CLTRN: variants seen among roughly 807,000 people sequenced by gnomAD.
The protein encoded by CLTRN is collectrin.
Under a neutral mutation model 14.5 loss-of-function variants are expected in CLTRN, and 12 were observed. That is an observed-to-expected ratio of 0.83 (90% CI 0.53 to 1.34). The LOEUF is 1.34. Among genes scored for constraint, CLTRN ranks in the 40% most tolerant of loss-of-function variants. CLTRN has a pLI of 0.00. For synonymous variants in CLTRN, 58 were observed against 56.5 expected, an observed-to-expected ratio of 1.03 and a Z score of -0.12; for missense variants, 154 against 165.1, an observed-to-expected ratio of 0.93 and a Z score of 0.37.
intron 5 of CLTRN, among the ~76,000 whole-genome samples, chrX:15,631,039 G>A (rs1452176579): frequency 3.6e-5 from 4 of 112,073 alleles, no homozygotes; most frequent in Non-Finnish European, 7.5e-5. Flanking sequence ...GTATGGAAGA[G>A]ATACAGTCCT....
At chrX:15,654,657 G>A (rs1436385769) in intron 3 of CLTRN, among the ~76,000 whole-genome samples, 3 of 112,259 alleles carry the variant, frequency 2.7e-5, no homozygotes, top group African/African-American at 9.7e-5. Flanking sequence ...AGCAAAAAAA[G>A]CATTTAATAT....
chrX:15,673,107 G>C (rs898461917), intron 1 of CLTRN, among the ~76,000 whole-genome samples: 12 of 112,348 alleles, frequency 1.1e-4, no homozygotes, highest in Non-Finnish European at 2.3e-4. Context: ...AGCTCACAGC[G>C]TCATCATGAT....
At chrX:15,658,297 T>G (rs1929421459) in intron 3 of CLTRN, among the ~76,000 whole-genome samples, 1 of 112,549 alleles carries the variant, frequency 8.9e-6, no homozygotes, top group South Asian at 3.6e-4. Flanking sequence ...TTAGGGTGTA[T>G]GCACCTGTGC....
At chrX:15,669,638 T>C (rs1024427193), upstream of CLTRN, among the ~76,000 whole-genome samples, 6 of 109,919 alleles carry the variant, frequency 5.5e-5, 1 homozygote, top group Admixed American at 4.8e-4. Context: ...AGAAAACACA[T>C]GTGTCGTTCT....
upstream of CLTRN, among the ~76,000 whole-genome samples, chrX:15,669,320 C>A: frequency 8.9e-6 from 1 of 112,341 alleles, no homozygotes; most frequent in Middle Eastern, 4.6e-3. Context: ...CTCATTTCAG[C>A]AATTTCACAT....
intron 3 of CLTRN, among the ~76,000 whole-genome samples, 164 bp from the exon 4 acceptor site, chrX:15,645,193 G>C (rs1345612563): frequency 8.9e-6 from 1 of 111,796 alleles, no homozygotes; most frequent in Non-Finnish European, 1.9e-5. Context: ...AAATTATATA[G>C]GAAATTCCCA....
upstream of CLTRN, among the ~76,000 whole-genome samples, chrX:15,665,347 A>G (rs778341135): frequency 5.5e-3 from 609 of 111,699 alleles, 4 homozygotes; most frequent in Non-Finnish European, 8.7e-3. Flanking sequence ...GTGGGAGGAG[A>G]GAGAGGATCG....
intron 3 of CLTRN, chrX:15,646,846 G>A (rs922256821): frequency 9.6e-6 from 3 of 312,142 alleles, no homozygotes; most frequent in African/African-American, 5.4e-5. Flanking sequence ...CGCCCCGCCC[G>A]AGCGCAGAGG....
chrX:15,646,163 C>T (rs1929060636), intron 3 of CLTRN: 1 of 170,244 alleles, frequency 5.9e-6, no homozygotes, highest in Admixed American at 7.1e-5. Flanking sequence ...CATGGGGCGC[C>T]ACTTGCCCCT....
intron 1 of CLTRN, among the ~76,000 whole-genome samples, chrX:15,674,318 A>T (rs1444689527): frequency 8.9e-6 from 1 of 111,773 alleles, no homozygotes; most frequent in Non-Finnish European, 1.9e-5. Context: ...TGGTGTCTAG[A>T]CAGGACCTAG....
chrX:15,672,275 G>A (rs1433695271), intron 1 of CLTRN, among the ~76,000 whole-genome samples: 2 of 112,141 alleles, frequency 1.8e-5, no homozygotes, highest in African/African-American at 6.5e-5. Context: ...GTCTCATGTA[G>A]TTAAAGCAAG....
chrX:15,628,135 C>A lies in CLTRN; in HGVS notation c.513-8G>T. On this transcript the variant is annotated splice_polypyrimidine_tract_variant and splice_region_variant and intron_variant, in intron 5 of 5. Coordinates refer to ENST00000380342, the MANE Select transcript of CLTRN (RefSeq NM_020665.6). ...GATGGTTCTTTGTTCTTTCTAAAAG[C>A]ACATAAAAAAGAGTGATTGGCATCT... 9.4e-7 allele frequency: 1 copy of A among 1,066,846 alleles called. No individual in the cohort carries two copies. The highest frequency in any genetic ancestry group is 1.2e-6 in the Non-Finnish European group (1 of 816,341). The allele number at this position is 1,066,846 out of a possible 1,213,427, so 87.9% of individuals were successfully genotyped here.
intron 4 of CLTRN, among the ~76,000 whole-genome samples, chrX:15,643,046 T>G (rs1354904547): frequency 4.5e-5 from 5 of 111,457 alleles, no homozygotes; most frequent in Non-Finnish European, 9.4e-5. Context: ...TGCAATGAGC[T>G]ATTATCATGC....
At position 15,671,870 on chromosome X, in the gene CLTRN, ACACACACACACAC is replaced by A. The variant is rs1448774716; in HGVS notation, c.-506+3106_-506+3118del. 6.5e-5 allele frequency among the ~76,000 whole-genome samples: 6 copies of A among 92,699 alleles called. No homozygotes were observed. The South Asian group carries it at 2.3e-3, about 35-fold the overall frequency. 80.5% of individuals were successfully genotyped at this position (92,699 alleles called of 115,157 possible). A position where few individuals can be genotyped will look rare whatever the true frequency, so the allele number is the denominator to read the frequency against. ...CACACACACACACACACACACACAC[ACACACACACACAC>A]AATTTCCAGTATCCTTGGTAAGCAA... On this transcript the variant is annotated intron_variant, in intron 1 of 6. Coordinates refer to the CLTRN transcript ENST00000650271.
intron 3 of CLTRN, among the ~76,000 whole-genome samples, chrX:15,655,695 T>C (rs1450794714): frequency 8.9e-6 from 1 of 111,983 alleles, no homozygotes; most frequent in African/African-American, 3.2e-5. Context: ...GCCACCAGTT[T>C]CTGTTCCAGA....
chrX:15,648,406 T>C (rs936677569), intron 3 of CLTRN, among the ~76,000 whole-genome samples: 1 of 111,460 alleles, frequency 9.0e-6, no homozygotes, highest in Non-Finnish European at 1.9e-5. Context: ...CAGGACTACC[T>C]CCAGTTGTGA....
intron 1 of CLTRN, 100 bp from the exon 2 acceptor site, chrX:15,664,495 A>G (rs750665604): frequency 4.9e-5 from 36 of 741,451 alleles, no homozygotes; most frequent in Non-Finnish European, 6.4e-5. Flanking sequence ...AAACTAATGG[A>G]ACAAAGAACT....
intron 5 of CLTRN, among the ~76,000 whole-genome samples, chrX:15,630,109 G>A (rs776041757): frequency 1.8e-5 from 2 of 111,694 alleles, no homozygotes; most frequent in Admixed American, 1.9e-4. Flanking sequence ...GAAGATGGGT[G>A]GGTGGCTGAA....
At chrX:15,646,844 C>T (rs934386256) in intron 3 of CLTRN, 37 of 314,462 alleles carry the variant, frequency 1.2e-4, no homozygotes, top group Non-Finnish European at 2.1e-4. Context: ...ATCGCCCCGC[C>T]CGAGCGCAGA....
Sources: gnomAD v4.1 joint callset for allele counts (sites outside exome capture counted in the v4.1 genomes callset) on GRCh38, gnomAD v4.1.1 for gene constraint, MANE v1.5 for transcripts, NCBI Gene and HGNC (gene_info 2026-07-23, HGNC 2026-07-21) for gene names.